Variants in TNRC6B observed in about 807,000 individuals in gnomAD.
TNRC6B encodes the protein trinucleotide repeat containing adaptor 6B.
TNRC6B carries 52 observed loss-of-function variants against 203.6 expected under a neutral mutation model. That is an observed-to-expected ratio of 0.26 (90% CI 0.20 to 0.32). The LOEUF is 0.32. Ranked by LOEUF, TNRC6B falls within the 10% of genes least tolerant of loss-of-function variation. The pLI is 1.00. For missense variants in TNRC6B, 1,923 were observed against 2,286.2 expected (o/e 0.84, Z 3.24); for synonymous variants, 838 against 845.7 (o/e 0.99, Z 0.16).
At chr22:40,107,162 T>C (rs2068292062) in intron 1 of TNRC6B, 1 of 548,814 alleles carries the variant, frequency 1.8e-6, no homozygotes, top group Non-Finnish European at 3.2e-6. Flanking sequence ...ACTAGGTACT[T>C]TTTGTATCCT....
At chr22:40,080,805 G>C (rs930545966) in intron 1 of TNRC6B, among the ~76,000 whole-genome samples, 1 of 151,324 alleles carries the variant, frequency 6.6e-6, no homozygotes, top group African/African-American at 2.4e-5. Context: ...TGTGCCTTCA[G>C]AGTGTTTCAT....
intron 4 of TNRC6B, among the ~76,000 whole-genome samples, chr22:40,169,465 C>T (rs778117575): frequency 7.2e-5 from 11 of 152,154 alleles, no homozygotes; most frequent in South Asian, 2.1e-4. Flanking sequence ...ATTGGCCTTA[C>T]GATATTTCAT....
chr22:40,330,380 G>A lies in TNRC6B; in HGVS notation c.*7139G>A, dbSNP rs1041587955. On this transcript the variant is annotated 3_prime_UTR_variant, in exon 23 of 23. Coordinates refer to ENST00000454349, the MANE Select transcript of TNRC6B (RefSeq NM_001162501.2). ...AAAGGTGTGTACAACTCCCAGAGGG[G>A]TGGCTGTAAAAGTTGACTGGAGGCA... The A allele has an allele frequency of 2.6e-5, 4 of 152,252 alleles. No individual in the cohort carries two copies. The highest frequency in any genetic ancestry group is 5.9e-5 in the Non-Finnish European group (4 of 68,064). 9.4% of individuals were successfully genotyped at this position (152,252 alleles called of 1,614,324 possible).
intron 1 of TNRC6B, among the ~76,000 whole-genome samples, chr22:40,050,536 C>G (rs1432536028): frequency 6.6e-6 from 1 of 152,182 alleles, no homozygotes; most frequent in Non-Finnish European, 1.5e-5. Flanking sequence ...CAGCTAACTT[C>G]AGGTTCAGAT....
chr22:40,058,752 A>G (rs1882587221), intron 1 of TNRC6B, among the ~76,000 whole-genome samples: 1 of 152,056 alleles, frequency 6.6e-6, no homozygotes, highest in Non-Finnish European at 1.5e-5. Flanking sequence ...CAGTACTTGA[A>G]TCTTGAAATT....
In TNRC6B at chr22:40,300,563, C is replaced by A; in HGVS notation, c.3817C>A (p.Pro1273Thr). ...ACAAATTGCCATGCTGAGCCAGCTT[C>A]CACAAATTCCCCAGTTTCAGTTGGT... ...PQQIAMLSQL[P>T]QIPQFQLACQ... The change falls in exon 13 of 23, where the codon CCA (proline) becomes ACA (threonine). Residue 1273 changes from proline (P) to threonine (T), a missense_variant. By Grantham distance (38) the Pro-to-Thr change is conservative. Around this residue, in one of 8 missense-constraint regions of TNRC6B, gnomAD observed 242 missense variants for 399.5 expected, o/e 0.61. Transcript: ENST00000454349. The A allele has an allele frequency of 6.2e-7, 1 of 1,611,510 alleles. No homozygotes were observed. Among genetic ancestry groups the A allele is most frequent in the Non-Finnish European group, 8.5e-7 (1 of 1,179,246 alleles).
intron 1 of TNRC6B, among the ~76,000 whole-genome samples, chr22:40,053,632 T>C (rs1345798154): frequency 6.6e-6 from 1 of 152,244 alleles, no homozygotes; most frequent in Non-Finnish European, 1.5e-5. Context: ...ATTGCAAATT[T>C]CTTAAGTGAG....
At chr22:40,204,653 A>T (rs2069456965) in intron 1 of TNRC6B, among the ~76,000 whole-genome samples, 1 of 152,172 alleles carries the variant, frequency 6.6e-6, no homozygotes, top group Non-Finnish European at 1.5e-5. Context: ...TAACTGACCC[A>T]GGGGGGCTGC....
chr22:40,186,181 G>A (rs1001429675), intron 1 of TNRC6B, among the ~76,000 whole-genome samples: 1 of 152,060 alleles, frequency 6.6e-6, no homozygotes, highest in African/African-American at 2.4e-5. Context: ...AAGAGGACCT[G>A]GGAAAGGATA....
chr22:40,235,275 T>A (rs950545247), intron 1 of TNRC6B, among the ~76,000 whole-genome samples: 1 of 152,200 alleles, frequency 6.6e-6, no homozygotes, highest in Admixed American at 6.5e-5. Context: ...ATAGTAGAAT[T>A]CATTCTCACT....
intron 2 of TNRC6B, 60 bp from the exon 3 acceptor site, chr22:40,251,119 G>A (rs573143581): frequency 7.0e-6 from 10 of 1,427,026 alleles, no homozygotes; most frequent in Non-Finnish European, 9.5e-6. Flanking sequence ...AAAGTAGTCT[G>A]AAAATACAGT....
chr22:40,232,860 A>G (rs1319592449), intron 1 of TNRC6B, among the ~76,000 whole-genome samples: 6 of 152,184 alleles, frequency 3.9e-5, no homozygotes, highest in Admixed American at 3.9e-4. Flanking sequence ...TACAAAAATT[A>G]GCCGGGCGTG....
chr22:40,099,478 A>G (rs549218477), intron 1 of TNRC6B, among the ~76,000 whole-genome samples: 49 of 152,284 alleles, frequency 3.2e-4, no homozygotes, highest in South Asian at 8.3e-4. Context: ...GCGGTCCTCC[A>G]TATTCATGGG....
intron 1 of TNRC6B, among the ~76,000 whole-genome samples, chr22:40,067,111 C>T (rs1278176207): frequency 6.6e-6 from 1 of 151,828 alleles, no homozygotes; most frequent in African/African-American, 2.4e-5. Flanking sequence ...GCCATGTTGC[C>T]CAGGCTAGAA....
intron 1 of TNRC6B, among the ~76,000 whole-genome samples, chr22:40,109,301 T>A (rs1363634844): frequency 6.6e-6 from 1 of 152,188 alleles, no homozygotes; most frequent in Non-Finnish European, 1.5e-5. Flanking sequence ...ATATACCCAG[T>A]AATGGGATTG....
chr22:40,242,055 C>T (rs1601913332), intron 1 of TNRC6B, among the ~76,000 whole-genome samples: 2 of 152,076 alleles, frequency 1.3e-5, no homozygotes. Flanking sequence ...AGCTCTTGTT[C>T]CAGAGAACTC....
chr22:40,070,305 CTTT>C (rs1359569067), intron 1 of TNRC6B, among the ~76,000 whole-genome samples: 1 of 152,054 alleles, frequency 6.6e-6, no homozygotes, highest in African/African-American at 2.4e-5. Context: ...GATTTTGTGA[CTTT>C]TTATTTGATT....
chr22:40,315,875 T>C, intron 20 of TNRC6B, 67 bp from the exon 21 acceptor site: 1 of 1,212,672 alleles, frequency 8.2e-7, no homozygotes, highest in East Asian at 2.4e-5. Context: ...TGAAAATCTT[T>C]CTCCCTCATG....
intron 1 of TNRC6B, among the ~76,000 whole-genome samples, chr22:40,215,302 ATC>A (rs1379170251): frequency 7.2e-5 from 11 of 152,232 alleles, no homozygotes; most frequent in Admixed American, 7.2e-4. Context: ...TGTGTGATTT[ATC>A]AGTTAAGTGT....
Sources: gnomAD v4.1 joint callset for allele counts (sites outside exome capture counted in the v4.1 genomes callset) on GRCh38, gnomAD v4.1.1 for gene constraint, gnomAD v4.1.1 regional missense constraint, MANE v1.5 for transcripts, NCBI Gene and HGNC (gene_info 2026-07-23, HGNC 2026-07-21) for gene names.